GPR89B: variants seen among roughly 807,000 people sequenced by gnomAD.
The protein encoded by GPR89B is G protein-coupled receptor 89B.
Under a neutral mutation model 52.4 loss-of-function variants are expected in GPR89B, and 25 were observed. The ratio of observed to expected loss-of-function variants is 0.48; its 90% confidence interval spans 0.35 to 0.67. GPR89B has a LOEUF of 0.67. Among genes scored for constraint, GPR89B ranks in the 30% least tolerant of loss-of-function variants. GPR89B has a pLI of 0.01. For synonymous variants in GPR89B, 52 were observed against 151.2 expected (o/e 0.34, Z 4.81); for missense variants, 146 against 450.2 (o/e 0.32, Z 6.11).
At chr1:147,929,014 C>T (rs1281253001) in intron 1 of GPR89B, 1 of 447,884 alleles carries the variant, frequency 2.2e-6, no homozygotes, top group Non-Finnish European at 3.0e-6. Context: ...GCAGGCTTTG[C>T]TGTTAGATGT....
At chr1:147,988,586 CG>C (rs1658835122) in intron 12 of GPR89B, 65 bp downstream of exon 12, 7 of 833,404 alleles carry the variant, frequency 8.4e-6, no homozygotes, top group Non-Finnish European at 1.9e-6. Context: ...TGGTACCAGC[CG>C]GGTGTGGTGG....
rs1206099814 is a variant in GPR89B, at chr1:147,977,255, A to C, written c.909+7296A>C. 1.4e-3 allele frequency among the ~76,000 whole-genome samples: 210 copies of C among 151,198 alleles called. 5 individuals are homozygous for C. The highest frequency in any genetic ancestry group is 4.9e-3 in the African/African-American group (201 of 40,976). On this transcript the variant is annotated intron_variant, in intron 10 of 13. Coordinates refer to ENST00000314163, the MANE Select transcript of GPR89B (RefSeq NM_016334.5). ...TCTCAAAAAAAAAAAAAAAAAAAAA[A>C]AAAAAAACAGAATGTTGAATATTGA...
chr1:148,000,108 C>G, the GPR89B span, among the ~76,000 whole-genome samples: 3 of 152,024 alleles, frequency 2.0e-5, no homozygotes, highest in Admixed American at 6.6e-5. Flanking sequence ...GGTATTCATA[C>G]AATTTACTTT....
chr1:147,994,325 G>A, downstream of GPR89B: 7 of 1,534,148 alleles, frequency 4.6e-6, no homozygotes, highest in South Asian at 1.1e-5. Context: ...CTTCAGAATT[G>A]GAAGAAGAAT....
intron 5 of GPR89B, among the ~76,000 whole-genome samples, chr1:147,950,857 G>T (rs1256194811): frequency 6.6e-6 from 1 of 152,182 alleles, no homozygotes; most frequent in African/African-American, 2.4e-5. Flanking sequence ...CAGGCAGGGA[G>T]GCTGCAGTGA....
At chr1:147,988,560 T>C in intron 12 of GPR89B, 39 bp downstream of exon 12, 1 of 1,012,188 alleles carries the variant, frequency 9.9e-7, no homozygotes. Flanking sequence ...CTGCTTATCA[T>C]TTGTTTAATT....
intron 8 of GPR89B, 156 bp from the exon 9 acceptor site, chr1:147,968,719 T>C (rs1402810437): frequency 3.5e-6 from 4 of 1,128,638 alleles, no homozygotes; most frequent in Non-Finnish European, 3.9e-6. Context: ...GTTGGGAAAG[T>C]TGCTCTGAAG....
intron 7 of GPR89B, among the ~76,000 whole-genome samples, chr1:147,958,058 C>T (rs1270106152): frequency 6.7e-6 from 1 of 149,840 alleles, no homozygotes; most frequent in African/African-American, 2.5e-5. Flanking sequence ...AGTGAGACTC[C>T]GTCTCAAAAA....
intron 10 of GPR89B, among the ~76,000 whole-genome samples, chr1:147,979,719 G>A: frequency 6.6e-6 from 1 of 151,732 alleles, no homozygotes; most frequent in Non-Finnish European, 1.5e-5. Flanking sequence ...TGCATTCCTA[G>A]AATAAACCTC....
the GPR89B span, among the ~76,000 whole-genome samples, chr1:148,012,841 A>C: frequency 6.6e-6 from 1 of 152,078 alleles, no homozygotes; most frequent in Non-Finnish European, 1.5e-5. Context: ...GGTTGGCCAC[A>C]GAATGGCCAA....
chr1:147,949,559 T>C (rs1553250488), intron 5 of GPR89B, among the ~76,000 whole-genome samples: 1 of 125,240 alleles, frequency 8.0e-6, no homozygotes, highest in Non-Finnish European at 1.7e-5. Flanking sequence ...ACGGGGCGGC[T>C]GGCCGGGCGG....
intron 1 of GPR89B, among the ~76,000 whole-genome samples, chr1:147,931,239 T>C (rs1184398000): frequency 6.6e-6 from 1 of 152,138 alleles, no homozygotes; most frequent in Non-Finnish European, 1.5e-5. Flanking sequence ...GTCCTGCTGA[T>C]GGCCATCTTT....
intron 10 of GPR89B, among the ~76,000 whole-genome samples, chr1:147,973,289 C>T (rs1267339142): frequency 5.9e-5 from 9 of 151,958 alleles, no homozygotes; most frequent in Admixed American, 1.3e-4. Context: ...AGTGTAAAAG[C>T]GTTCCTATTT....
intron 5 of GPR89B, among the ~76,000 whole-genome samples, chr1:147,945,999 T>C (rs1403782589): frequency 6.6e-6 from 1 of 152,038 alleles, no homozygotes; most frequent in East Asian, 1.9e-4. Context: ...GTGCTGGGAT[T>C]ACAAGTATGA....
the GPR89B span, among the ~76,000 whole-genome samples, chr1:148,015,532 T>C: frequency 6.9e-6 from 1 of 145,958 alleles, no homozygotes; most frequent in Non-Finnish European, 1.5e-5. Flanking sequence ...GCCAGGATGG[T>C]ATCAATCTCC....
chr1:147,984,709 G>C (rs2149091677), intron 10 of GPR89B, among the ~76,000 whole-genome samples: 1 of 146,398 alleles, frequency 6.8e-6, no homozygotes, highest in African/African-American at 2.5e-5. Flanking sequence ...TTAATGAATT[G>C]TATTTCTCAT....
At chr1:147,969,467 AG>A (rs1158763139) in intron 9 of GPR89B, 1 of 192,712 alleles carries the variant, frequency 5.2e-6, no homozygotes, top group African/African-American at 2.4e-5. Flanking sequence ...ATTCTTTTTG[AG>A]GATAACTTTA....
At chr1:147,958,444 G>A (rs1333098085) in intron 7 of GPR89B, among the ~76,000 whole-genome samples, 34 of 149,622 alleles carry the variant, frequency 2.3e-4, no homozygotes, top group Admixed American at 2.7e-4. Context: ...TTCAAGACCA[G>A]CCTGGCCAAC....
chr1:148,018,318 T>C, the GPR89B span, among the ~76,000 whole-genome samples: 37 of 144,390 alleles, frequency 2.6e-4, 1 homozygote, highest in African/African-American at 9.7e-4. Flanking sequence ...ACTCCTGAGA[T>C]TGAGGCAGGA....
Sources: allele counts gnomAD v4.1 joint callset (sites outside exome capture counted in the v4.1 genomes callset), GRCh38; gene constraint gnomAD v4.1.1; transcripts MANE v1.5; gene names NCBI Gene and HGNC (gene_info 2026-07-23, HGNC 2026-07-21).